Variants in NCK2 observed in about 807,000 individuals in gnomAD.
NCK2 encodes NCK adaptor protein 2, also known as cytoplasmic protein NCK2.
Under a neutral mutation model 33.9 loss-of-function variants are expected in NCK2, and 16 were observed. That is an observed-to-expected ratio of 0.47 (90% CI 0.32 to 0.72). The LOEUF is 0.72. Ranked by LOEUF, NCK2 falls within the 30% of genes least tolerant of loss-of-function variation. The pLI is 0.03. For missense variants in NCK2, 418 were observed against 537.3 expected, an observed-to-expected ratio of 0.78 and a Z score of 2.19; for synonymous variants, 273 against 239.9, an observed-to-expected ratio of 1.14 and a Z score of -1.27.
intron 1 of NCK2, among the ~76,000 whole-genome samples, chr2:105,751,198 C>T (rs1300931173): frequency 6.6e-6 from 1 of 152,184 alleles, no homozygotes; most frequent in African/African-American, 2.4e-5. Flanking sequence ...AACCTGCCCG[C>T]CTTCTCAGTT....
chr2:105,861,903 T>TCCCTC (rs1677550305), intron 3 of NCK2, among the ~76,000 whole-genome samples: 1 of 114,792 alleles, frequency 8.7e-6, no homozygotes, highest in Non-Finnish European at 1.7e-5. Context: ...TGGAATTCTT[T>TCCCTC]CCTCCCTCCC....
At chr2:105,891,114 G>A (rs1049496833) in intron 4 of NCK2, among the ~76,000 whole-genome samples, 1 of 152,130 alleles carries the variant, frequency 6.6e-6, no homozygotes, top group South Asian at 2.1e-4. Context: ...GCCCCCACAC[G>A]CACTTATACA....
rs531034802 is a variant in NCK2, at chr2:105,827,291, G to A, written c.-17+10678G>A. Among the ~76,000 whole-genome samples, 33 of 152,250 alleles carry A rather than the reference G, an allele frequency of 2.2e-4. No homozygotes were observed. The East Asian group carries it at 4.3e-3, about 20-fold the overall frequency. On this transcript the variant is annotated intron_variant, in intron 2 of 4. Coordinates refer to ENST00000233154, the MANE Select transcript of NCK2 (RefSeq NM_003581.5). Reference sequence around the variant, plus strand: ...TGGGTTTACAGGCGTGAGCCACCGCGCCTGGCTGACATAGCATTCTTAAGT... The same window carrying A: ...TGGGTTTACAGGCGTGAGCCACCGCACCTGGCTGACATAGCATTCTTAAGT...
chr2:105,754,117 A>G (rs190694272), intron 1 of NCK2, among the ~76,000 whole-genome samples: 2 of 152,338 alleles, frequency 1.3e-5, no homozygotes, highest in African/African-American at 4.8e-5. Flanking sequence ...AAGCTCCTGC[A>G]TGTTCCAAGT....
At chr2:105,849,658 G>C (rs1676987474) in intron 2 of NCK2, among the ~76,000 whole-genome samples, 1 of 152,148 alleles carries the variant, frequency 6.6e-6, no homozygotes, top group African/African-American at 2.4e-5. Flanking sequence ...AAGAGGGCTA[G>C]GAGAGTGACA....
chr2:105,819,630 A>G (rs1675646706), intron 2 of NCK2, among the ~76,000 whole-genome samples: 1 of 152,204 alleles, frequency 6.6e-6, no homozygotes, highest in Non-Finnish European at 1.5e-5. Flanking sequence ...AGTCTGCAGG[A>G]GCTCCCAACA....
chr2:105,752,165 G>A (rs1056373226), intron 1 of NCK2, among the ~76,000 whole-genome samples: 1 of 152,182 alleles, frequency 6.6e-6, no homozygotes, highest in Admixed American at 6.5e-5. Flanking sequence ...TTGTTGCGGA[G>A]TGTGAGTCTA....
intron 3 of NCK2, among the ~76,000 whole-genome samples, chr2:105,865,391 G>T (rs1677705499): frequency 6.6e-6 from 1 of 152,172 alleles, no homozygotes; most frequent in Non-Finnish European, 1.5e-5. Context: ...TGACATTTGA[G>T]CCCAGTGTGG....
At chr2:105,750,171 T>C (rs1689412700) in intron 1 of NCK2, among the ~76,000 whole-genome samples, 3 of 152,146 alleles carry the variant, frequency 2.0e-5, no homozygotes, top group Admixed American at 2.0e-4. Context: ...GGCTGGTTTC[T>C]GGTGAGTGTC....
At chr2:105,777,684 C>T (rs1000752326) in intron 1 of NCK2, among the ~76,000 whole-genome samples, 1 of 152,210 alleles carries the variant, frequency 6.6e-6, no homozygotes, top group Non-Finnish European at 1.5e-5. Context: ...CAATTCCTAT[C>T]AAGGTCCTGT....
chr2:105,847,565 C>T (rs1676899980), intron 2 of NCK2, among the ~76,000 whole-genome samples: 1 of 152,020 alleles, frequency 6.6e-6, no homozygotes, highest in Admixed American at 6.6e-5. Flanking sequence ...GAACAAGAGC[C>T]AGCCAGCCAA....
intron 2 of NCK2, among the ~76,000 whole-genome samples, chr2:105,822,259 C>T (rs1200138738): frequency 6.6e-6 from 1 of 152,094 alleles, no homozygotes; most frequent in Admixed American, 6.5e-5. Flanking sequence ...CTGAATCCCC[C>T]GAGGGCCTCT....
intron 1 of NCK2, among the ~76,000 whole-genome samples, chr2:105,781,033 C>G (rs1329022617): frequency 6.6e-6 from 1 of 152,202 alleles, no homozygotes; most frequent in Non-Finnish European, 1.5e-5. Flanking sequence ...TGTCTCTCAC[C>G]TGGTCGTGGT....
At chr2:105,891,527 G>A (rs1212734636) in intron 4 of NCK2, among the ~76,000 whole-genome samples, 3 of 129,752 alleles carry the variant, frequency 2.3e-5, no homozygotes, top group Non-Finnish European at 4.8e-5. Context: ...TGAGATAAAA[G>A]ACCAATTTTT....
At chr2:105,860,971 C>T (rs571058256) in intron 3 of NCK2, among the ~76,000 whole-genome samples, 2 of 151,680 alleles carry the variant, frequency 1.3e-5, no homozygotes, top group African/African-American at 4.8e-5. Context: ...AACCCAAGGT[C>T]GTTGTGGATC....
chr2:105,885,405 GAAATA>G (rs148253811), intron 4 of NCK2, among the ~76,000 whole-genome samples: 1,822 of 152,176 alleles, frequency 0.012, 19 homozygotes, highest in Middle Eastern at 0.031. Flanking sequence ...ATTTGGCTGG[GAAATA>G]AAATAGAATA....
chr2:105,778,679 TTA>T (rs1372034632), intron 1 of NCK2, among the ~76,000 whole-genome samples: 1 of 152,198 alleles, frequency 6.6e-6, no homozygotes, highest in African/African-American at 2.4e-5. Flanking sequence ...ACTGCACTGG[TTA>T]TGTGTATCAA....
intron 1 of NCK2, among the ~76,000 whole-genome samples, chr2:105,802,006 T>C (rs577247294): frequency 6.6e-6 from 1 of 152,332 alleles, no homozygotes; most frequent in South Asian, 2.1e-4. Context: ...TGTCACCTGC[T>C]GGTTCAGTGC....
At chr2:105,858,376 G>A (rs1452712910) in intron 3 of NCK2, among the ~76,000 whole-genome samples, 2 of 152,024 alleles carry the variant, frequency 1.3e-5, no homozygotes, top group Admixed American at 6.6e-5. Flanking sequence ...TTAGCCTCCC[G>A]AGTATCTGGG....
Sources: allele counts gnomAD v4.1 joint callset (sites outside exome capture counted in the v4.1 genomes callset), GRCh38; gene constraint gnomAD v4.1.1; transcripts MANE v1.5; gene names NCBI Gene and HGNC (gene_info 2026-07-23, HGNC 2026-07-21).